Variants in ARHGEF26 observed in about 807,000 individuals in gnomAD.
The protein encoded by ARHGEF26 is Rho guanine nucleotide exchange factor (GEF) 26.
A neutral mutation model predicts 89.4 loss-of-function variants in ARHGEF26; 59 were observed. That is an observed-to-expected ratio of 0.66 (90% CI 0.54 to 0.82). The LOEUF (loss-of-function observed/expected upper bound fraction) is 0.82, where lower values mean the gene tolerates loss of function less well. Among genes scored for constraint, ARHGEF26 ranks in the 40% least tolerant of loss-of-function variants. ARHGEF26 has a pLI of 0.00. For synonymous variants in ARHGEF26, 500 were observed against 428.4 expected (o/e 1.17, Z -2.06); for missense variants, 1,234 against 1,085.6 (o/e 1.14, Z -1.92).
At chr3:154,188,091 T>C (rs1713708217) in intron 7 of ARHGEF26, among the ~76,000 whole-genome samples, 1 of 152,176 alleles carries the variant, frequency 6.6e-6, no homozygotes, top group African/African-American at 2.4e-5. Context: ...TTCGTTGTTT[T>C]TAATTGTTGC....
intron 5 of ARHGEF26, among the ~76,000 whole-genome samples, chr3:154,152,469 T>G (rs1225208416): frequency 6.6e-6 from 1 of 152,212 alleles, no homozygotes; most frequent in Non-Finnish European, 1.5e-5. Context: ...ATGCCCTCGC[T>G]TCCTTCCATA....
intron 6 of ARHGEF26, among the ~76,000 whole-genome samples, chr3:154,165,130 GT>G (rs1377693342): frequency 3.3e-5 from 5 of 152,064 alleles, no homozygotes; most frequent in Non-Finnish European, 7.4e-5. Context: ...TATGGGAGGA[GT>G]TTGGTTTACC....
intron 9 of ARHGEF26, among the ~76,000 whole-genome samples, chr3:154,216,506 T>A (rs868066309): frequency 0.063 from 2,804 of 44,310 alleles, 51 homozygotes; most frequent in African/African-American, 0.13. Context: ...TTTTTTATTT[T>A]TTATTTTTTT....
At chr3:154,156,214 C>A (rs1021219270) in intron 6 of ARHGEF26, among the ~76,000 whole-genome samples, 1 of 151,958 alleles carries the variant, frequency 6.6e-6, no homozygotes, top group Non-Finnish European at 1.5e-5. Context: ...CTGGATATGG[C>A]TGACAAATTC....
At chr3:154,178,509 T>A (rs1233817403) in intron 6 of ARHGEF26, among the ~76,000 whole-genome samples, 1 of 152,234 alleles carries the variant, frequency 6.6e-6, no homozygotes, top group Non-Finnish European at 1.5e-5. Context: ...TGGTCTTTGA[T>A]GACTGCTTTC....
chr3:154,209,093 T>A (rs976283195), intron 9 of ARHGEF26, among the ~76,000 whole-genome samples: 5 of 152,060 alleles, frequency 3.3e-5, no homozygotes, highest in Admixed American at 1.3e-4. Flanking sequence ...GGCTCCAGAA[T>A]TTCTGCTTGA....
intron 3 of ARHGEF26, among the ~76,000 whole-genome samples, chr3:154,127,941 T>G (rs963486510): frequency 4.5e-4 from 69 of 152,168 alleles, no homozygotes; most frequent in African/African-American, 1.7e-3. Flanking sequence ...GTATTATGTT[T>G]CCTCTTATGT....
chr3:154,172,770 T>C (rs1712530019), intron 6 of ARHGEF26, among the ~76,000 whole-genome samples: 1 of 152,182 alleles, frequency 6.6e-6, no homozygotes, highest in Admixed American at 6.5e-5. Flanking sequence ...AAGGGGAACA[T>C]GTTCATCCTC....
intron 4 of ARHGEF26, among the ~76,000 whole-genome samples, chr3:154,130,931 C>A (rs371634837): frequency 2.8e-4 from 42 of 152,072 alleles, no homozygotes; most frequent in African/African-American, 9.7e-4. Flanking sequence ...TGTATGTAAA[C>A]GGTGGGAGAC....
chr3:154,255,312 ACT>A lies in ARHGEF26; in HGVS notation c.2474-16_2474-15del, dbSNP rs1301027056. ...TCCAAATACTTGTTGTTTGGTGTGG[ACT>A]CTGTTCTTTTTCACAGGCTGGTATG... On this transcript the variant is annotated splice_polypyrimidine_tract_variant and intron_variant, in intron 14 of 14. Transcript: ENST00000465093. The A allele has an allele frequency of 1.9e-6, 3 of 1,607,896 alleles. No homozygotes were observed. The East Asian group carries it at 6.7e-5, about 36-fold the overall frequency.
rs374802916 is a variant in ARHGEF26 at position 154,234,911 on chromosome 3, G to A, written c.2091-5459G>A. On this transcript the variant is annotated intron_variant, in intron 11 of 14. Coordinates refer to ENST00000465093, the MANE Select transcript of ARHGEF26 (RefSeq NM_015595.4). Reference sequence around the variant, plus strand: ...CTCCTGAGTAGCTGGGACTACAGGCGCTCACCACCGCGCCCGGCTAATTTT... The same window carrying A: ...CTCCTGAGTAGCTGGGACTACAGGCACTCACCACCGCGCCCGGCTAATTTT... Among the ~76,000 whole-genome samples, 63 of 152,184 alleles carry A rather than the reference G, an allele frequency of 4.1e-4. 1 individual carries two copies. The highest frequency in any genetic ancestry group is 1.9e-3 in the South Asian group (9 of 4,810).
rs367971488 is a variant in ARHGEF26, at chr3:154,139,507, T to C, written c.1269+9788T>C. On this transcript the variant is annotated intron_variant, in intron 4 of 14. Transcript: ENST00000465093. ...CTCAGGGATGTTGAAGAGTTCTGAA[T>C]AACTGCATAGAAAGGCTTTTTCATA... 7.2e-5 allele frequency among the ~76,000 whole-genome samples: 11 copies of C among 152,324 alleles called. No individual in the cohort carries two copies. The East Asian group carries it at 9.6e-4, about 13-fold the overall frequency.
chr3:154,213,655 C>T (rs1432228290), intron 9 of ARHGEF26, among the ~76,000 whole-genome samples: 1 of 152,002 alleles, frequency 6.6e-6, no homozygotes, highest in Non-Finnish European at 1.5e-5. Context: ...TAGCTATTGG[C>T]CTGGTGTGCT....
intron 6 of ARHGEF26, among the ~76,000 whole-genome samples, chr3:154,178,384 G>A (rs1712964532): frequency 6.6e-6 from 1 of 151,932 alleles, no homozygotes. Flanking sequence ...ACCCATTAGC[G>A]CTCACTCCGC....
chr3:154,150,058 TTG>T (rs10616486), intron 5 of ARHGEF26, among the ~76,000 whole-genome samples: 34,089 of 147,370 alleles, frequency 0.23, 5,356 homozygotes, highest in East Asian at 0.45. Flanking sequence ...CTGCATATTA[TTG>T]TGTGTGTGTG....
At position 154,255,438 on chromosome 3, in the gene ARHGEF26, A is replaced by G; in HGVS notation, c.2581A>G (p.Met861Val). The change falls in exon 15 of 15, where the codon ATG (methionine) becomes GTG (valine). Residue 861 changes from methionine (M) to valine (V), a missense_variant. By Grantham distance (21) the Met-to-Val change is conservative. Coordinates refer to ENST00000465093, the MANE Select transcript of ARHGEF26 (RefSeq NM_015595.4). Reference protein sequence around the residue: ...QATIDKNVERMGRLLGLETNV With the variant: ...QATIDKNVERVGRLLGLETNV The stretch of plus-strand genomic sequence containing the variant: ...TACAATTGATAAGAATGTGGAGAGA[A>G]TGGGACGCTTGCTAGGACTGGAGAC... 6.2e-7 allele frequency: 1 copy of G among 1,613,824 alleles called. No homozygotes were observed. The highest frequency in any genetic ancestry group is 1.1e-5 in the South Asian group (1 of 91,078).
At chr3:154,170,583 G>A (rs1365308360) in intron 6 of ARHGEF26, among the ~76,000 whole-genome samples, 1 of 152,164 alleles carries the variant, frequency 6.6e-6, no homozygotes, top group Non-Finnish European at 1.5e-5. Flanking sequence ...TTTGTCCTGT[G>A]TGACCTTGAG....
At chr3:154,206,634 C>T (rs920340055) in intron 9 of ARHGEF26, among the ~76,000 whole-genome samples, 2 of 152,318 alleles carry the variant, frequency 1.3e-5, no homozygotes, top group East Asian at 3.9e-4. Context: ...GATGGAAAAA[C>T]ATTCCATGCT....
intron 6 of ARHGEF26, among the ~76,000 whole-genome samples, chr3:154,181,909 A>G (rs1460689051): frequency 1.3e-5 from 2 of 152,152 alleles, no homozygotes; most frequent in Admixed American, 6.5e-5. Context: ...ATTCTTTTAC[A>G]TGTTTCACCT....
Sources: allele counts gnomAD v4.1 joint callset (sites outside exome capture counted in the v4.1 genomes callset), GRCh38; gene constraint gnomAD v4.1.1; transcripts MANE v1.5; gene names NCBI Gene and HGNC (gene_info 2026-07-23, HGNC 2026-07-21).